RNGTT: variants seen among roughly 807,000 people sequenced by gnomAD.
The protein encoded by RNGTT is mRNA-capping enzyme.
In RNGTT, 33 loss-of-function variants were observed where a neutral mutation model predicts 79.3. The ratio of observed to expected loss-of-function variants is 0.42; its 90% CI spans 0.32 to 0.56. The LOEUF is 0.56. Ranked by LOEUF, RNGTT falls within the 20% of genes least tolerant of loss-of-function variation. RNGTT has a pLI of 0.17. For synonymous variants in RNGTT, 222 were observed against 235.9 expected, an observed-to-expected ratio of 0.94 and a Z score of 0.54; for missense variants, 497 against 739.1, an observed-to-expected ratio of 0.67 and a Z score of 3.80.
intron 13 of RNGTT, among the ~76,000 whole-genome samples, chr6:88,744,423 G>A (rs748350851): frequency 7.9e-5 from 12 of 151,860 alleles, no homozygotes; most frequent in African/African-American, 2.2e-4. Context: ...CAGCACGCCC[G>A]GCTAATTTTT....
At chr6:88,948,506 C>T (rs1785109981) in intron 1 of RNGTT, among the ~76,000 whole-genome samples, 2 of 147,252 alleles carry the variant, frequency 1.4e-5, no homozygotes, top group Admixed American at 6.7e-5. Context: ...CAGCCCCCCG[C>T]CCGGCCGGCC....
intron 12 of RNGTT, among the ~76,000 whole-genome samples, chr6:88,800,008 C>T (rs1779731472): frequency 6.6e-6 from 1 of 152,184 alleles, no homozygotes; most frequent in South Asian, 2.1e-4. Context: ...TAGTGCTCCT[C>T]CATGTCCTCC....
intron 8 of RNGTT, among the ~76,000 whole-genome samples, chr6:88,879,579 G>A (rs1249768436): frequency 2.6e-5 from 4 of 151,882 alleles, no homozygotes; most frequent in Admixed American, 1.3e-4. Context: ...CATAGGACAC[G>A]ATTTTCATGA....
At chr6:88,751,750 A>T (rs1777848095) in intron 13 of RNGTT, among the ~76,000 whole-genome samples, 1 of 152,090 alleles carries the variant, frequency 6.6e-6, no homozygotes, top group Non-Finnish European at 1.5e-5. Flanking sequence ...GCATTTAAAA[A>T]ATCTACAGCT....
intron 14 of RNGTT, among the ~76,000 whole-genome samples, chr6:88,642,547 C>T (rs547034793): frequency 5.7e-4 from 87 of 152,228 alleles, no homozygotes; most frequent in African/African-American, 1.8e-3. Flanking sequence ...TGCTGGCTCC[C>T]GTGAAATACC....
At chr6:88,787,567 G>C (rs982377704) in intron 12 of RNGTT, among the ~76,000 whole-genome samples, 8 of 152,230 alleles carry the variant, frequency 5.3e-5, no homozygotes, top group African/African-American at 1.9e-4. Context: ...GCTGAGGCTG[G>C]AGAATTGCTT....
chr6:88,682,334 G>C (rs1052776551), intron 13 of RNGTT, among the ~76,000 whole-genome samples: 1 of 152,142 alleles, frequency 6.6e-6, no homozygotes, highest in Admixed American at 6.5e-5. Flanking sequence ...ATAGCACCTT[G>C]AATACTGACT....
chr6:88,857,783 A>G (rs1302698107), intron 8 of RNGTT, among the ~76,000 whole-genome samples: 1 of 152,180 alleles, frequency 6.6e-6, no homozygotes, highest in South Asian at 2.1e-4. Context: ...AGCCTATACC[A>G]AAATAGTAAG....
At chr6:88,792,345 G>A (rs775681288) in intron 12 of RNGTT, among the ~76,000 whole-genome samples, 50 of 152,078 alleles carry the variant, frequency 3.3e-4, no homozygotes, top group Non-Finnish European at 6.2e-4. Flanking sequence ...AGGTGAAAAG[G>A]AAAATTAAGG....
At chr6:88,905,687 A>C (rs900465349) in intron 5 of RNGTT, among the ~76,000 whole-genome samples, 20 of 152,360 alleles carry the variant, frequency 1.3e-4, no homozygotes, top group Admixed American at 8.5e-4. Context: ...CTCAATAAAG[A>C]CATGTTGATT....
intron 8 of RNGTT, among the ~76,000 whole-genome samples, chr6:88,869,440 AT>A (rs1782285813): frequency 6.6e-6 from 1 of 152,156 alleles, no homozygotes; most frequent in African/African-American, 2.4e-5. Flanking sequence ...GATTGGTTTA[AT>A]TTCACTGAAT....
intron 14 of RNGTT, among the ~76,000 whole-genome samples, chr6:88,620,814 C>A (rs1398957784): frequency 6.6e-6 from 1 of 152,010 alleles, no homozygotes; most frequent in Non-Finnish European, 1.5e-5. Flanking sequence ...CTAGTTGAAG[C>A]GAGTTCACAG....
intron 2 of RNGTT, among the ~76,000 whole-genome samples, chr6:88,939,804 G>C (rs1219953322): frequency 2.7e-5 from 4 of 150,838 alleles, no homozygotes; most frequent in African/African-American, 9.8e-5. Context: ...TATCGCCCAG[G>C]CTGCAGTGGG....
At chr6:88,928,181 C>T (rs1277742133) in intron 4 of RNGTT, among the ~76,000 whole-genome samples, 1 of 152,042 alleles carries the variant, frequency 6.6e-6, no homozygotes, top group Non-Finnish European at 1.5e-5. Flanking sequence ...CACTGCACTC[C>T]GGCCCGGGCG....
At chr6:88,954,520 A>G (rs961317597) in intron 1 of RNGTT, among the ~76,000 whole-genome samples, 1 of 152,186 alleles carries the variant, frequency 6.6e-6, no homozygotes, top group Non-Finnish European at 1.5e-5. Context: ...TGAAATACAC[A>G]GCAACACAAC....
intron 12 of RNGTT, among the ~76,000 whole-genome samples, chr6:88,789,129 T>G (rs1779320002): frequency 6.6e-6 from 1 of 152,180 alleles, no homozygotes. Context: ...TCAAAGTATC[T>G]TCTTTCTTGG....
At chr6:88,715,414 C>T (rs1183941103) in intron 13 of RNGTT, among the ~76,000 whole-genome samples, 1 of 151,938 alleles carries the variant, frequency 6.6e-6, no homozygotes, top group African/African-American at 2.4e-5. Flanking sequence ...AGATTCAATG[C>T]CATCCCCATC....
rs550115345 is a variant in RNGTT, at chr6:88,802,628, G to A, written c.1270-996C>T. Among the ~76,000 whole-genome samples, 3 of 152,262 alleles carry A rather than the reference G, an allele frequency of 2.0e-5. No individual in the cohort carries two copies. In the South Asian group the frequency reaches 6.2e-4, roughly 32 times the overall value. On this transcript the variant is annotated intron_variant, in intron 11 of 15. Transcript: ENST00000369485. ...TTTATAAAGAAAAAGCAGTTTAATG[G>A]ACTTGCTGTTCCACATGGCTGGGGT...
chr6:88,883,360 C>G (rs1782753755), intron 8 of RNGTT, among the ~76,000 whole-genome samples: 1 of 152,048 alleles, frequency 6.6e-6, no homozygotes, highest in Admixed American at 6.6e-5. Flanking sequence ...TTTCTCATCT[C>G]AAAAGCCTTC....
Sources: gnomAD v4.1 joint callset for allele counts (sites outside exome capture counted in the v4.1 genomes callset) on GRCh38, gnomAD v4.1.1 for gene constraint, MANE v1.5 for transcripts, NCBI Gene and HGNC (gene_info 2026-07-23, HGNC 2026-07-21) for gene names.